The following ARID3A variants were observed in gnomAD, a reference collection of about 807,000 sequenced individuals.
The protein encoded by ARID3A is AT-rich interaction domain 3A.
ARID3A carries 11 observed loss-of-function variants against 52.7 expected under a neutral mutation model. That is an observed-to-expected ratio of 0.21 (90% CI 0.13 to 0.35). The LOEUF is 0.35. ARID3A is among the 10% of genes least tolerant of loss of function. ARID3A has a pLI of 1.00. For synonymous variants in ARID3A, 404 were observed against 359.4 expected (o/e 1.12, Z -1.40); for missense variants, 721 against 838.5 (o/e 0.86, Z 1.73).
At chr19:933,630 T>C (rs2037378799) in intron 3 of ARID3A, among the ~76,000 whole-genome samples, 1 of 151,966 alleles carries the variant, frequency 6.6e-6, no homozygotes, top group Non-Finnish European at 1.5e-5. Flanking sequence ...CAGAATCCGC[T>C]CTGAGGAGCC....
chr19:970,469 A>G (rs1427563488), intron 8 of ARID3A, among the ~76,000 whole-genome samples: 1 of 151,752 alleles, frequency 6.6e-6, no homozygotes, highest in African/African-American at 2.4e-5. Context: ...CCATCTCTAC[A>G]AAAGAACATA....
rs1191151414 is a variant in ARID3A at position 975,109 on chromosome 19, CTT to C, written c.*3046_*3047del. 1 of 231,448 alleles carries C rather than the reference CTT, an allele frequency of 4.3e-6. No individual in the cohort carries two copies. The highest frequency in any genetic ancestry group is 8.5e-6 in the Non-Finnish European group (1 of 117,028). The allele number at this position is 231,448 out of a possible 1,614,324, so 14.3% of individuals were successfully genotyped here. On this transcript the variant is annotated 3_prime_UTR_variant, in exon 9 of 9. Transcript: ENST00000263620. ...CGGTGGGGGTTTAAATTCGGTGTGG[CTT>C]TCTGGGGTGCAGCTCAGCACCCCCC...
intron 8 of ARID3A, among the ~76,000 whole-genome samples, chr19:971,623 C>A (rs2038277043): frequency 6.6e-6 from 1 of 151,704 alleles, no homozygotes; most frequent in Non-Finnish European, 1.5e-5. Flanking sequence ...CAAAAAAAAA[C>A]AAAAAAATAA....
In ARID3A at chr19:960,033, C is replaced by T; in HGVS notation, c.694-59C>T. 5 of 1,490,352 alleles carry T rather than the reference C, an allele frequency of 3.4e-6. No individual in the cohort carries two copies. Among genetic ancestry groups the T allele is most frequent in the Non-Finnish European group, 4.6e-6 (5 of 1,077,080 alleles). 92.3% of individuals were successfully genotyped at this position (1,490,352 alleles called of 1,614,324 possible). A position where few individuals can be genotyped will look rare whatever the true frequency, so the allele number is the denominator to read the frequency against. ...GACCTGGCCTCCAGTGCAGGAGGGA[C>T]ATGGTTCCCACACCTGAGCTCTGGC... On this transcript the variant is annotated intron_variant, in intron 3 of 8. Transcript: ENST00000263620. The surrounding 1 kb of genome is among the most constrained non-coding windows in gnomAD (Gnocchi z 4.3).
intron 3 of ARID3A, among the ~76,000 whole-genome samples, chr19:952,071 G>A (rs1293622123): frequency 6.6e-6 from 1 of 152,014 alleles, no homozygotes; most frequent in Admixed American, 6.6e-5. Context: ...AACCCGGGAG[G>A]CGGAGGTTGC....
chr19:942,447 G>T lies in ARID3A; in HGVS notation c.693+9705G>T, dbSNP rs1262320106. On this transcript the variant is annotated intron_variant, in intron 3 of 8. Transcript: ENST00000263620. This position sits in a 1 kb window ranked among gnomAD's most constrained non-coding sequence, Gnocchi z 8.1. ...CGCTGCGGTGCCGACCTGGTGGGTG[G>T]CACACGGGGGGCGGGTGCGGACCGC... Among the ~76,000 whole-genome samples the T allele has an allele frequency of 6.6e-6, 1 of 152,204 alleles. No homozygotes were observed. The highest frequency in any genetic ancestry group is 6.5e-5 in the Admixed American group (1 of 15,268).
rs1324102974 is a variant in ARID3A, at chr19:960,971, C to T, written c.766+807C>T. Among the ~76,000 whole-genome samples the T allele has an allele frequency of 2.0e-5, 3 of 151,970 alleles. No homozygotes were observed. Among genetic ancestry groups the T allele is most frequent in the Non-Finnish European group, 4.4e-5 (3 of 68,000 alleles). The stretch of plus-strand genomic sequence containing the variant: ...CAGGCCCCACCCCAGCTTAGAGTGA[C>T]CACGGGGCAGAGAGAGTGCGGCAAG... On this transcript the variant is annotated intron_variant, in intron 4 of 8. Transcript: ENST00000263620. The surrounding 1 kb of genome is among the most constrained non-coding windows in gnomAD (Gnocchi z 4.3).
At chr19:955,430 C>CAAAAA (rs2037897321) in intron 3 of ARID3A, among the ~76,000 whole-genome samples, 1 of 152,218 alleles carries the variant, frequency 6.6e-6, no homozygotes, top group Non-Finnish European at 1.5e-5. Flanking sequence ...AGTGCCCCGG[C>CAAAAA]CCCACAGGGG....
intron 4 of ARID3A, chr19:962,066 A>T (rs1440731180): frequency 6.6e-6 from 1 of 152,084 alleles, no homozygotes; most frequent in Non-Finnish European, 1.5e-5. Context: ...GCGAGCTCCT[A>T]TGCGTCCCTC....
chr19:960,020 A>G lies in ARID3A; in HGVS notation c.694-72A>G, dbSNP rs2038005677. ...CTCCTGTCCTCCTGACCTGGCCTCC[A>G]GTGCAGGAGGGACATGGTTCCCACA... On this transcript the variant is annotated intron_variant, in intron 3 of 8. Coordinates refer to ENST00000263620, the MANE Select transcript of ARID3A (RefSeq NM_005224.3). The surrounding 1 kb of genome is among the most constrained non-coding windows in gnomAD (Gnocchi z 4.3). The G allele has an allele frequency of 2.2e-6, 3 of 1,368,154 alleles. No homozygotes were observed. In the Admixed American group the frequency reaches 5.5e-5, roughly 25 times the overall value. The allele number at this position is 1,368,154 out of a possible 1,614,324, so 84.8% of individuals were successfully genotyped here. A position where few individuals can be genotyped will look rare whatever the true frequency, so the allele number is the denominator to read the frequency against.
rs538763446 is a variant in ARID3A, at chr19:944,732, C to G, written c.693+11990C>G. 1.3e-5 allele frequency among the ~76,000 whole-genome samples: 2 copies of G among 152,280 alleles called. No homozygotes were observed. Among genetic ancestry groups the G allele is most frequent in the East Asian group, 3.9e-4 (2 of 5,176 alleles). On this transcript the variant is annotated intron_variant, in intron 3 of 8. Coordinates refer to ENST00000263620, the MANE Select transcript of ARID3A (RefSeq NM_005224.3). This position sits in a 1 kb window ranked among gnomAD's most constrained non-coding sequence, Gnocchi z 5.9. The stretch of plus-strand genomic sequence containing the variant: ...CCTCGACCTCCCGGGCTCCGGTGAT[C>G]TTCCCGTGTCAGCCTCCTGAGTAGC...
chr19:959,105 C>T lies in ARID3A; in HGVS notation c.694-987C>T, dbSNP rs901415691. Among the ~76,000 whole-genome samples the T allele has an allele frequency of 2.0e-5, 3 of 152,112 alleles. No homozygotes were observed. Among genetic ancestry groups the T allele is most frequent in the African/African-American group, 4.8e-5 (2 of 41,418 alleles). ...ACTCACTGTTTGATGTTCACACTGA[C>T]GAAATCACCAACAGACATTTATCAG... On this transcript the variant is annotated intron_variant, in intron 3 of 8. Coordinates refer to ENST00000263620, the MANE Select transcript of ARID3A (RefSeq NM_005224.3). The surrounding 1 kb of genome is among the most constrained non-coding windows in gnomAD (Gnocchi z 5.0).
intron 2 of ARID3A, among the ~76,000 whole-genome samples, chr19:930,614 A>C (rs1359085964): frequency 6.9e-6 from 1 of 144,582 alleles, no homozygotes; most frequent in Admixed American, 7.0e-5. Context: ...GGTTCACACC[A>C]TTCTCCTGCC....
chr19:967,188 A>G (rs964870941), intron 7 of ARID3A, among the ~76,000 whole-genome samples: 1 of 151,968 alleles, frequency 6.6e-6, no homozygotes, highest in Non-Finnish European at 1.5e-5. Flanking sequence ...GAACTGGGAG[A>G]TGGAGGTTGC....
Position 966,826 on chromosome 19 carries a change from A to T in ARID3A, c.1453A>T (p.Met485Leu), listed in dbSNP as rs1049199971. 1.2e-6 allele frequency: 2 copies of T among 1,613,174 alleles called. No homozygotes were observed. Among genetic ancestry groups the T allele is most frequent in the Non-Finnish European group, 1.7e-6 (2 of 1,179,764 alleles). Residue 485 changes from methionine (M) to leucine (L), a missense_variant, in exon 7 of 9, where the codon ATG (methionine) becomes TTG (leucine). Around this residue, in one of 5 missense-constraint regions of ARID3A, gnomAD observed 297 missense variants for 343.2 expected, o/e 0.87. Coordinates refer to ENST00000263620, the MANE Select transcript of ARID3A (RefSeq NM_005224.3). ...TGCACTCCAGCAGAACTTCCTGGCC[A>T]TGGCGGCCCAGCTGCCCATGAGCAT... ...QRALQQNFLA[M>L]AAQLPMSIRI...
At chr19:933,053 G>A (rs1238079656) in intron 3 of ARID3A, among the ~76,000 whole-genome samples, 7 of 152,286 alleles carry the variant, frequency 4.6e-5, no homozygotes, top group East Asian at 1.9e-4. Flanking sequence ...AGAGGCTGGC[G>A]CCGGCCCGAG....
Position 939,095 on chromosome 19 carries a change from C to CTATT in ARID3A, c.693+6382_693+6385dup, listed in dbSNP as rs57727834. Among the ~76,000 whole-genome samples the CTATT allele has an allele frequency of 5.4e-3, 657 of 121,266 alleles. 2 individuals carry two copies. The highest frequency in any genetic ancestry group is 8.9e-3 in the Admixed American group (106 of 11,858). 79.6% of individuals were successfully genotyped at this position (121,266 alleles called of 152,430 possible). A position where few individuals can be genotyped will look rare whatever the true frequency, so the allele number is the denominator to read the frequency against. Reference sequence around the variant, plus strand: ...ACAGGCGCGTGCCACCACACCTGGCCTATTTATTTATTTATTTATTTATTT... The same window carrying CTATT: ...ACAGGCGCGTGCCACCACACCTGGCCTATTTATTTATTTATTTATTTATTTATTT... On this transcript the variant is annotated intron_variant, in intron 3 of 8. Coordinates refer to ENST00000263620, the MANE Select transcript of ARID3A (RefSeq NM_005224.3).
intron 3 of ARID3A, among the ~76,000 whole-genome samples, chr19:936,107 C>T (rs772021314): frequency 6.6e-6 from 1 of 152,184 alleles, no homozygotes; most frequent in African/African-American, 2.4e-5. Context: ...GGATTTTACA[C>T]GCACAGGCGG....
intron 3 of ARID3A, among the ~76,000 whole-genome samples, chr19:952,918 AGCCCCCCTGTGACCTTGGGCACT>A (rs376917948): frequency 2.2e-4 from 33 of 152,096 alleles, no homozygotes; most frequent in African/African-American, 7.2e-4. Flanking sequence ...GGGAAACCAT[AGCCCCCCTGTGACCTTGGGCACT>A]GCCCACCTGT....
Sources: gnomAD v4.1 joint callset for allele counts (sites outside exome capture counted in the v4.1 genomes callset) on GRCh38, gnomAD v4.1.1 for gene constraint, gnomAD v4.1.1 regional missense constraint, Gnocchi (gnomAD v3.1) non-coding constraint, MANE v1.5 for transcripts, NCBI Gene and HGNC (gene_info 2026-07-23, HGNC 2026-07-21) for gene names.